Variants in XYLT1 observed in about 807,000 individuals in gnomAD.
The protein encoded by XYLT1 is beta-D-xylosyltransferase 1.
Under a neutral mutation model 91.3 loss-of-function variants are expected in XYLT1, and 36 were observed. That is an observed-to-expected ratio of 0.39 (90% CI 0.30 to 0.52). The LOEUF (loss-of-function observed/expected upper bound fraction) is 0.52, where lower values mean the gene tolerates loss of function less well. Ranked by LOEUF, XYLT1 falls within the 20% of genes least tolerant of loss-of-function variation. XYLT1 has a pLI of 0.68. For missense variants in XYLT1, 1,242 were observed against 1,284.5 expected (o/e 0.97, Z 0.51); for synonymous variants, 588 against 532.0 (o/e 1.11, Z -1.45).
At chr16:17,365,099 G>A (rs557421594) in intron 1 of XYLT1, among the ~76,000 whole-genome samples, 78 of 152,246 alleles carry the variant, frequency 5.1e-4, no homozygotes, top group African/African-American at 1.7e-3. Flanking sequence ...TGGTGTTCAC[G>A]CTCTGCACCC....
chr16:17,353,502 G>A (rs2035248859), intron 2 of XYLT1, among the ~76,000 whole-genome samples: 1 of 152,208 alleles, frequency 6.6e-6, no homozygotes, highest in South Asian at 2.1e-4. Context: ...AAACACTACT[G>A]ATGCGCAGGG....
At chr16:17,434,512 T>A (rs968204776) in intron 1 of XYLT1, among the ~76,000 whole-genome samples, 1 of 152,182 alleles carries the variant, frequency 6.6e-6, no homozygotes, top group Non-Finnish European at 1.5e-5. Flanking sequence ...CAGATCAGGC[T>A]TAGCAACCCT....
At chr16:17,228,418 C>T (rs2033104610) in intron 3 of XYLT1, among the ~76,000 whole-genome samples, 1 of 152,146 alleles carries the variant, frequency 6.6e-6, no homozygotes, top group African/African-American at 2.4e-5. Flanking sequence ...ACAGGCAAAC[C>T]TTGTTTAATA....
intron 9 of XYLT1, among the ~76,000 whole-genome samples, chr16:17,133,203 T>A (rs1040398815): frequency 6.6e-6 from 1 of 151,986 alleles, no homozygotes; most frequent in African/African-American, 2.4e-5. Context: ...GAAACCTTGC[T>A]GGCCAGGGAT....
intron 2 of XYLT1, among the ~76,000 whole-genome samples, chr16:17,283,068 C>T (rs1018669137): frequency 3.9e-5 from 6 of 152,022 alleles, no homozygotes; most frequent in Admixed American, 1.3e-4. Context: ...ATTTCCAGAA[C>T]GCCTAAGAAA....
Position 17,470,414 on chromosome 16 carries a change from G to A in XYLT1, c.363+20C>T. 8.1e-7 allele frequency: 1 copy of A among 1,227,248 alleles called. No homozygotes were observed. The highest frequency in any genetic ancestry group is 1.0e-6 in the Non-Finnish European group (1 of 984,408). The allele number at this position is 1,227,248 out of a possible 1,614,324, so 76.0% of individuals were successfully genotyped here. ...TCCTCCCTCCCTCGCCGCGGGGCGC[G>A]AGCCGAAAGGGCATCTTACCAGAGC... On this transcript the variant is annotated intron_variant, in intron 1 of 11. Coordinates refer to ENST00000261381, the MANE Select transcript of XYLT1 (RefSeq NM_022166.4).
chr16:17,208,789 A>G (rs1437518050), intron 3 of XYLT1, among the ~76,000 whole-genome samples: 1 of 152,176 alleles, frequency 6.6e-6, no homozygotes, highest in Non-Finnish European at 1.5e-5. Context: ...CTGTGGCACA[A>G]TCTCGGCTCA....
intron 2 of XYLT1, among the ~76,000 whole-genome samples, chr16:17,295,440 C>A (rs1029589069): frequency 6.6e-6 from 1 of 151,940 alleles, no homozygotes; most frequent in African/African-American, 2.4e-5. Flanking sequence ...ACTGCAACCT[C>A]CATCTCCCAG....
intron 1 of XYLT1, among the ~76,000 whole-genome samples, chr16:17,371,844 G>A (rs991880056): frequency 1.3e-5 from 2 of 152,204 alleles, no homozygotes; most frequent in Non-Finnish European, 2.9e-5. Flanking sequence ...AAGAGAGAGT[G>A]TATGTGTGTG....
chr16:17,106,308 C>G lies in XYLT1; in HGVS notation c.*2387G>C, dbSNP rs1391021325. 1 of 152,268 alleles carries G rather than the reference C, an allele frequency of 6.6e-6. No individual in the cohort carries two copies. The highest frequency in any genetic ancestry group is 1.5e-5 in the Non-Finnish European group (1 of 68,104). The allele number at this position is 152,268 out of a possible 1,614,324, so 9.4% of individuals were successfully genotyped here. On this transcript the variant is annotated 3_prime_UTR_variant, in exon 12 of 12. Transcript: ENST00000261381. ...GCAAGGAGGGTGAAAGGGAAGCTCC[C>G]AAAGTGGCTTCGGCAGCCCCAGGGA...
intron 2 of XYLT1, among the ~76,000 whole-genome samples, chr16:17,331,083 C>T (rs889734228): frequency 6.6e-6 from 1 of 152,240 alleles, no homozygotes; most frequent in Admixed American, 6.5e-5. Context: ...CTGGGCACTG[C>T]CAGCTTTTCC....
chr16:17,363,665 G>A (rs1370586023), intron 1 of XYLT1, among the ~76,000 whole-genome samples: 4 of 152,048 alleles, frequency 2.6e-5, no homozygotes, highest in Non-Finnish European at 2.9e-5. Context: ...TCAGCCTCCC[G>A]AGTAGCTGGG....
intron 1 of XYLT1, among the ~76,000 whole-genome samples, chr16:17,385,336 C>G (rs1159201263): frequency 6.6e-6 from 1 of 151,302 alleles, no homozygotes; most frequent in East Asian, 2.0e-4. Flanking sequence ...GTTGGCCTCC[C>G]TGGAACATCT....
At position 17,112,899 on chromosome 16, in the gene XYLT1, G is replaced by A. The variant is rs1350041820; in HGVS notation, c.2558-3882C>T. On this transcript the variant is annotated intron_variant, in intron 11 of 11. Transcript: ENST00000261381. ...CTTGTTGCCAGGCTGGAGTGCAATG[G>A]CATGATCTCAGCTCACTGCAACCTC... 2.1e-5 allele frequency among the ~76,000 whole-genome samples: 3 copies of A among 142,868 alleles called. No homozygotes were observed. In the South Asian group the frequency reaches 6.6e-4, roughly 32 times the overall value. 93.7% of individuals were successfully genotyped at this position (142,868 alleles called of 152,430 possible). A position where few individuals can be genotyped will look rare whatever the true frequency, so the allele number is the denominator to read the frequency against.
chr16:17,290,439 G>T (rs1382651803), intron 2 of XYLT1, among the ~76,000 whole-genome samples: 1 of 152,206 alleles, frequency 6.6e-6, no homozygotes, highest in Non-Finnish European at 1.5e-5. Flanking sequence ...TCTGGAGGCT[G>T]CCATGACTCT....
At chr16:17,273,612 G>A (rs144566111) in intron 2 of XYLT1, among the ~76,000 whole-genome samples, 117 of 152,208 alleles carry the variant, frequency 7.7e-4, no homozygotes, top group African/African-American at 2.7e-3. Context: ...GGAAGTCCGA[G>A]GTGGGCAGAT....
chr16:17,300,452 CTTTTTTTTTTTTT>C, intron 2 of XYLT1, among the ~76,000 whole-genome samples: 1 of 64,842 alleles, frequency 1.5e-5, no homozygotes, highest in East Asian at 6.1e-4. Flanking sequence ...TTCATTCTTT[CTTTTTTTTTTTTT>C]TTTTTTTTTG....
intron 9 of XYLT1, among the ~76,000 whole-genome samples, chr16:17,129,072 G>GAAAAAAAAAAA (rs34234422): frequency 2.1e-5 from 2 of 95,220 alleles, no homozygotes; most frequent in Non-Finnish European, 1.9e-5. Flanking sequence ...AGGGAGCATA[G>GAAAAAAAAAAA]AAAAAAAAAA....
intron 3 of XYLT1, among the ~76,000 whole-genome samples, chr16:17,229,613 A>T (rs1349200417): frequency 6.6e-6 from 1 of 152,192 alleles, no homozygotes; most frequent in African/African-American, 2.4e-5. Flanking sequence ...TCACCCTAAC[A>T]GAGGTGATCC....
Sources: allele counts gnomAD v4.1 joint callset (sites outside exome capture counted in the v4.1 genomes callset), GRCh38; gene constraint gnomAD v4.1.1; transcripts MANE v1.5; gene names NCBI Gene and HGNC (gene_info 2026-07-23, HGNC 2026-07-21).